Variants in SEMA6A observed in about 807,000 individuals in gnomAD.
The protein encoded by SEMA6A is semaphorin-6A.
In SEMA6A, 25 loss-of-function variants were observed where a neutral mutation model predicts 96.8. The ratio of observed to expected loss-of-function variants is 0.26; its 90% CI spans 0.19 to 0.36. The LOEUF (loss-of-function observed/expected upper bound fraction) is 0.36, where lower values mean the gene tolerates loss of function less well. SEMA6A is among the 10% of genes least tolerant of loss of function. The probability of loss-of-function intolerance (pLI) is 1.00; values close to 1 mark genes in which losing one functional copy is unlikely to be tolerated. For synonymous variants in SEMA6A, 612 were observed against 518.0 expected, an observed-to-expected ratio of 1.18 and a Z score of -2.46; for missense variants, 1,363 against 1,323.1, an observed-to-expected ratio of 1.03 and a Z score of -0.47.
chr5:116,553,680 T>G (rs76524403), intron 1 of SEMA6A, among the ~76,000 whole-genome samples: 249 of 152,230 alleles, frequency 1.6e-3, no homozygotes, highest in African/African-American at 5.8e-3. Flanking sequence ...TCTAGCTCCT[T>G]TAGTCAGAGC....
At chr5:116,492,465 T>C (rs1476331562) in intron 6 of SEMA6A, 1 of 152,220 alleles carries the variant, frequency 6.6e-6, no homozygotes, top group Non-Finnish European at 1.5e-5. Context: ...CATCAAATCT[T>C]AGACTTCACA....
chr5:116,562,858 A>G (rs376642542), intron 1 of SEMA6A: 12 of 646,768 alleles, frequency 1.9e-5, no homozygotes, highest in East Asian at 1.3e-4. Flanking sequence ...ACCGGGCCAC[A>G]GGAGGAAATA....
chr5:116,451,059 G>C (rs1002461008), intron 18 of SEMA6A, among the ~76,000 whole-genome samples: 3 of 152,152 alleles, frequency 2.0e-5, no homozygotes, highest in South Asian at 2.1e-4. Flanking sequence ...AGTGGGCTTG[G>C]AATTGCAGGC....
At chr5:116,487,108 G>T in intron 9 of SEMA6A, 142 bp from the exon 10 acceptor site, 1 of 574,482 alleles carries the variant, frequency 1.7e-6, no homozygotes. Context: ...AAAAAAAAAA[G>T]AAAGAAAAGA....
In SEMA6A at chr5:116,558,714, G is replaced by A. The variant is rs1293927610; in HGVS notation, c.-39+15471C>T. Among the ~76,000 whole-genome samples the A allele has an allele frequency of 4.9e-4, 5 of 10,184 alleles. 2 individuals carry two copies. The Admixed American group carries it at 5.3e-3, about 11-fold the overall frequency. 6.7% of individuals were successfully genotyped at this position (10,184 alleles called of 152,430 possible). A position where few individuals can be genotyped will look rare whatever the true frequency, so the allele number is the denominator to read the frequency against. The stretch of plus-strand genomic sequence containing the variant: ...CCTGACCTCATGATCCACCCGCCTC[G>A]GCCTCCCAAAGTGCTGGGATTACAG... On this transcript the variant is annotated intron_variant, in intron 1 of 18. Coordinates refer to ENST00000343348, the MANE Select transcript of SEMA6A (RefSeq NM_020796.5).
intron 1 of SEMA6A, among the ~76,000 whole-genome samples, chr5:116,512,309 G>A (rs1758444532): frequency 6.6e-6 from 1 of 152,154 alleles, no homozygotes; most frequent in Non-Finnish European, 1.5e-5. Context: ...ATAAGGTTCG[G>A]GCAAATGAGA....
chr5:116,550,076 G>A lies in SEMA6A; in HGVS notation c.-39+24109C>T, dbSNP rs941140967. ...AGGATTTGAGTGGAAAGGGACTGATGGTTAAAGAGTTAATTTTTTTAGAGG... is the reference window on the plus strand; with the variant it reads ...AGGATTTGAGTGGAAAGGGACTGATAGTTAAAGAGTTAATTTTTTTAGAGG... On this transcript the variant is annotated intron_variant, in intron 1 of 18. Coordinates refer to ENST00000343348, the MANE Select transcript of SEMA6A (RefSeq NM_020796.5). The A allele has an allele frequency of 6.6e-4, 101 of 152,106 alleles. 1 individual carries two copies. Among genetic ancestry groups the A allele is most frequent in the African/African-American group, 2.3e-3 (95 of 41,430 alleles). 9.4% of individuals were successfully genotyped at this position (152,106 alleles called of 1,614,324 possible). A position where few individuals can be genotyped will look rare whatever the true frequency, so the allele number is the denominator to read the frequency against.
At chr5:116,538,200 A>C (rs1759808080) in intron 1 of SEMA6A, among the ~76,000 whole-genome samples, 1 of 152,098 alleles carries the variant, frequency 6.6e-6, no homozygotes, top group Non-Finnish European at 1.5e-5. Flanking sequence ...AAAACAAAAC[A>C]AAACAAAACA....
At chr5:116,551,317 T>TAAACACACAC (rs1554093307) in intron 1 of SEMA6A, among the ~76,000 whole-genome samples, 15 of 142,528 alleles carry the variant, frequency 1.1e-4, no homozygotes, top group Admixed American at 7.8e-4. Flanking sequence ...AGTCTTAGCA[T>TAAACACACAC]ACACACACAC....
intron 16 of SEMA6A, among the ~76,000 whole-genome samples, chr5:116,475,298 C>T (rs1215919044): frequency 6.6e-6 from 1 of 152,170 alleles, no homozygotes; most frequent in Non-Finnish European, 1.5e-5. Flanking sequence ...TTAATATCCT[C>T]TAGGGTGAAT....
chr5:116,558,388 A>G (rs1055157237), intron 1 of SEMA6A, among the ~76,000 whole-genome samples: 1 of 152,186 alleles, frequency 6.6e-6, no homozygotes, highest in African/African-American at 2.4e-5. Context: ...TGCACCTATC[A>G]ATCCATCATC....
chr5:116,480,362 T>C (rs1345635404), intron 11 of SEMA6A, 85 bp from the exon 12 acceptor site: 7 of 1,515,268 alleles, frequency 4.6e-6, no homozygotes, highest in South Asian at 2.4e-5. Flanking sequence ...TCTCTAAGCA[T>C]CTGGAATGGA....
intron 1 of SEMA6A, among the ~76,000 whole-genome samples, chr5:116,565,782 T>C (rs1761001242): frequency 6.6e-6 from 1 of 152,172 alleles, no homozygotes; most frequent in East Asian, 1.9e-4. Flanking sequence ...GGAGGGACAG[T>C]TGTTGAATTG....
intron 18 of SEMA6A, 106 bp downstream of exon 18, chr5:116,467,477 G>T: frequency 1.8e-6 from 2 of 1,095,256 alleles, no homozygotes; most frequent in Non-Finnish European, 2.6e-6. Flanking sequence ...ATAGCGCATT[G>T]GAGGTTCCTT....
intron 15 of SEMA6A, among the ~76,000 whole-genome samples, chr5:116,476,127 G>C (rs1756436024): frequency 6.6e-6 from 1 of 152,084 alleles, no homozygotes; most frequent in Non-Finnish European, 1.5e-5. Context: ...TGTGGAGACT[G>C]CTTGGTTATT....
intron 1 of SEMA6A, among the ~76,000 whole-genome samples, chr5:116,554,524 T>C (rs1407756639): frequency 1.3e-5 from 2 of 152,230 alleles, no homozygotes; most frequent in Admixed American, 6.5e-5. Flanking sequence ...GAGGGGTTCA[T>C]ATTAAGATAA....
intron 18 of SEMA6A, among the ~76,000 whole-genome samples, chr5:116,462,003 G>C (rs1259239990): frequency 6.6e-6 from 1 of 152,076 alleles, no homozygotes; most frequent in Non-Finnish European, 1.5e-5. Context: ...TAAGAGTCAG[G>C]AAAAGAGGAG....
intron 1 of SEMA6A, chr5:116,562,523 C>A: frequency 1.9e-6 from 1 of 514,108 alleles, no homozygotes; most frequent in Non-Finnish European, 3.7e-6. Flanking sequence ...AAATAAGGCC[C>A]ACTCTTTCCG....
At chr5:116,491,477 C>T (rs1757321250) in intron 7 of SEMA6A, among the ~76,000 whole-genome samples, 1 of 151,808 alleles carries the variant, frequency 6.6e-6, no homozygotes, top group Non-Finnish European at 1.5e-5. Flanking sequence ...TATTTGAGCC[C>T]AAACATTCCC....
Sources: gnomAD v4.1 joint callset for allele counts (sites outside exome capture counted in the v4.1 genomes callset) on GRCh38, gnomAD v4.1.1 for gene constraint, MANE v1.5 for transcripts, NCBI Gene and HGNC (gene_info 2026-07-23, HGNC 2026-07-21) for gene names.